ABCB6: variants seen among roughly 807,000 people sequenced by gnomAD.
ABCB6 encodes the protein ATP binding cassette subfamily B member 6 (LAN blood group).
ABCB6 carries 87 observed loss-of-function variants against 99.4 expected under a neutral mutation model. The observed-to-expected ratio is 0.88, with a 90% CI of 0.74 to 1.05. ABCB6 has a LOEUF of 1.05. Among genes scored for constraint, ABCB6 ranks in the 50% least tolerant of loss-of-function variants. The pLI is 0.00. For missense variants in ABCB6, 1,050 were observed against 1,097.9 expected, an observed-to-expected ratio of 0.96 and a Z score of 0.62; for synonymous variants, 482 against 447.5, an observed-to-expected ratio of 1.08 and a Z score of -0.97.
chr2:219,218,861 C>T lies in ABCB6; in HGVS notation c.-188G>A. On this transcript the variant is annotated 5_prime_UTR_variant, in exon 1 of 19. Transcript: ENST00000265316. The stretch of plus-strand genomic sequence containing the variant: ...CCGCCCACTCCCCTAGCGCACGCGC[C>T]GCCGCCACGCACTCACGCAGGGCAC... 2 of 596,704 alleles carry T rather than the reference C, an allele frequency of 3.4e-6. No homozygotes were observed. The highest frequency in any genetic ancestry group is 5.5e-6 in the Non-Finnish European group (2 of 362,398). The allele number at this position is 596,704 out of a possible 1,614,324, so 37.0% of individuals were successfully genotyped here. A position where few individuals can be genotyped will look rare whatever the true frequency, so the allele number is the denominator to read the frequency against.
chr2:219,214,417 GC>G lies in ABCB6; in HGVS notation c.1357del (p.Ala453GlnfsTer6). On this transcript the variant is annotated frameshift_variant, in exon 7 of 19. Coordinates refer to ENST00000265316, the MANE Select transcript of ABCB6 (RefSeq NM_005689.4). LOFTEE classifies it high-confidence loss of function. Reference protein sequence around the residue: ...NTQENATRARAVDSLLNFETV... With the variant: ...NTQENATRARXVDSLLNFETV... ...CTCGAAGTTTAGCAGAGAGTCCACTGCTCGTGCCCGGGTAGCGTTCTCCTGT... is the reference window on the plus strand; with the variant it reads ...CTCGAAGTTTAGCAGAGAGTCCACTGTCGTGCCCGGGTAGCGTTCTCCTGT... The G allele has an allele frequency of 6.2e-7, 1 of 1,614,144 alleles. No homozygotes were observed. The highest frequency in any genetic ancestry group is 8.5e-7 in the Non-Finnish European group (1 of 1,180,004).
Position 219,218,733 on chromosome 2 carries a change from T to A in ABCB6, c.-60A>T. Reference sequence around the variant, plus strand: ...CTGCGGGACCGGAGGCCGGGACTGGTCACTCGGAGAGGGGCGCGGACATCC... The same window carrying A: ...CTGCGGGACCGGAGGCCGGGACTGGACACTCGGAGAGGGGCGCGGACATCC... On this transcript the variant is annotated 5_prime_UTR_variant, in exon 1 of 19. It removes the in-frame stop codon of an upstream open reading frame in the 5' UTR. Transcript: ENST00000265316. 6.8e-7 allele frequency: 1 copy of A among 1,469,200 alleles called. No homozygotes were observed. Among genetic ancestry groups the A allele is most frequent in the Non-Finnish European group, 9.0e-7 (1 of 1,109,408 alleles). 91.0% of individuals were successfully genotyped at this position (1,469,200 alleles called of 1,614,324 possible).
In ABCB6 at chr2:219,216,653, A is replaced by G. The variant is rs751784110; in HGVS notation, c.867T>C (p.Ile289=). The G allele has an allele frequency of 2.1e-5, 32 of 1,556,300 alleles. No homozygotes were observed. The highest frequency in any genetic ancestry group is 3.3e-4 in the Middle Eastern group (2 of 5,996). Residue 289 remains isoleucine, a splice_region_variant and synonymous_variant, in exon 3 of 19, where the codon ATT becomes ATC. Coordinates refer to ENST00000265316, the MANE Select transcript of ABCB6 (RefSeq NM_005689.4). The surrounding 1 kb of genome is among the most constrained non-coding windows in gnomAD (Gnocchi z 4.2). The part of the protein sequence containing the change: ...NVLVPIFYRN[I]VNLLTEKAPW... Reference sequence around the variant, plus strand: ...TGAGCTGGTGCTCCTCCTGCTCACCAATGTTCCTATAGAATATAGGCACCA... The same window carrying G: ...TGAGCTGGTGCTCCTCCTGCTCACCGATGTTCCTATAGAATATAGGCACCA...
intron 6 of ABCB6, 138 bp downstream of exon 6, chr2:219,214,823 C>T: frequency 1.0e-6 from 1 of 972,494 alleles, no homozygotes; most frequent in Non-Finnish European, 1.5e-6. Context: ...CCGCCCATCA[C>T]ATGACGAGCA....
At chr2:219,217,886 C>T (rs1950664697) in intron 1 of ABCB6, 79 bp from the exon 2 acceptor site, 3 of 1,502,582 alleles carry the variant, frequency 2.0e-6, no homozygotes, top group Admixed American at 4.4e-5. Context: ...GGGCCGGGGA[C>T]TGGTGTCATG....
chr2:219,212,904 C>A (rs1030539749), intron 13 of ABCB6, 104 bp downstream of exon 13: 23 of 1,301,576 alleles, frequency 1.8e-5, no homozygotes, highest in Middle Eastern at 3.6e-4. Flanking sequence ...GGTTGCCTAT[C>A]GTGACTGGGC....
In ABCB6 at chr2:219,211,018, C is replaced by T. The variant is rs1050020632; in HGVS notation, c.2059G>A (p.Gly687Ser). 8 of 1,614,030 alleles carry T rather than the reference C, an allele frequency of 5.0e-6. No homozygotes were observed. The highest frequency in any genetic ancestry group is 1.3e-5 in the African/African-American group (1 of 74,892). Residue 687 changes from glycine (G) to serine (S), a missense_variant, in exon 15 of 19, where the codon GGC (glycine) becomes AGC (serine). By Grantham distance (56) the Gly-to-Ser change is moderately conservative. Transcript: ENST00000265316. ...NDTIADNIRY[G>S]RVTAGNDEVE... is the part of the protein sequence containing the mutation. Reference sequence around the variant, plus strand: ...TCATCATTCCCAGCTGTGACACGGCCGTAACGGATATTGTCGGCGATGGTG... The same window carrying T: ...TCATCATTCCCAGCTGTGACACGGCTGTAACGGATATTGTCGGCGATGGTG...
intron 1 of ABCB6, 104 bp downstream of exon 1, chr2:219,218,014 CTCCCTTT>C: frequency 1.4e-6 from 2 of 1,420,572 alleles, no homozygotes; most frequent in Non-Finnish European, 1.9e-6. Context: ...CCCCTCCCTT[CTCCCTTT>C]GCTTAGAGGC....
chr2:219,217,920 T>TAAAAA, intron 1 of ABCB6, 113 bp from the exon 2 acceptor site: 1 of 1,184,586 alleles, frequency 8.4e-7, no homozygotes, highest in Non-Finnish European at 1.1e-6. Flanking sequence ...CTTACAGGCT[T>TAAAAA]AAAAAAAAAA....
At chr2:219,212,906 T>C in intron 13 of ABCB6, 102 bp downstream of exon 13, 2 of 1,331,272 alleles carry the variant, frequency 1.5e-6, no homozygotes, top group Non-Finnish European at 2.1e-6. Context: ...TTGCCTATCG[T>C]GACTGGGCTC....
intron 13 of ABCB6, among the ~76,000 whole-genome samples, 179 bp from the exon 14 acceptor site, chr2:219,212,670 C>T (rs1436643208): frequency 1.3e-5 from 2 of 152,068 alleles, no homozygotes; most frequent in Non-Finnish European, 2.9e-5. Flanking sequence ...TATAGGCACC[C>T]GCCACCATGC....
Position 219,214,195 on chromosome 2 carries a change from T to C in ABCB6, c.1387-9A>G, listed in dbSNP as rs1412104335. ...GCGTTGTAATACTTCACCTGATGAA[T>C]TCAAACCAAATTTATTTGGCATGGG... On this transcript the variant is annotated splice_polypyrimidine_tract_variant and intron_variant, in intron 7 of 18. Transcript: ENST00000265316. The C allele has an allele frequency of 6.2e-7, 1 of 1,614,032 alleles. No individual in the cohort carries two copies. The highest frequency in any genetic ancestry group is 8.5e-7 in the Non-Finnish European group (1 of 1,179,988).
rs1355357026 is a variant in ABCB6 at position 219,214,947 on chromosome 2, C to T, written c.1276+14G>A. 1 of 1,613,922 alleles carries T rather than the reference C, an allele frequency of 6.2e-7. No homozygotes were observed. The highest frequency in any genetic ancestry group is 8.5e-7 in the Non-Finnish European group (1 of 1,179,952). On this transcript the variant is annotated intron_variant, in intron 6 of 18. Coordinates refer to ENST00000265316, the MANE Select transcript of ABCB6 (RefSeq NM_005689.4). Reference sequence around the variant, plus strand: ...GGATAGTTCAGGGAGACGGTGTCTCCCAGCAGCACTCACTGAGGTAAAGAC... The same window carrying T: ...GGATAGTTCAGGGAGACGGTGTCTCTCAGCAGCACTCACTGAGGTAAAGAC...
rs778861160 is a variant in ABCB6 at position 219,218,329 on chromosome 2, ACT to A, written c.343_344del (p.Leu116GlyfsTer45). 3.1e-6 allele frequency: 5 copies of A among 1,612,964 alleles called. No homozygotes were observed. Among genetic ancestry groups the A allele is most frequent in the Admixed American group, 1.7e-5 (1 of 59,994 alleles). ...GCCACAGGCCACAGGCGCCGGCCAGACTCTCCAGCACGGAGGCCAGAAGTAGA... is the reference window on the plus strand; with the variant it reads ...GCCACAGGCCACAGGCGCCGGCCAGACTCCAGCACGGAGGCCAGAAGTAGA... The part of the protein sequence containing the change: ...SYLLLASVLE[S>X]LAGACGLWLL... On this transcript the variant is annotated frameshift_variant, in exon 1 of 19. Coordinates refer to ENST00000265316, the MANE Select transcript of ABCB6 (RefSeq NM_005689.4). LOFTEE classifies it high-confidence loss of function.
intron 15 of ABCB6, 22 bp downstream of exon 15, chr2:219,210,912 T>C (rs1950570103): frequency 6.2e-7 from 1 of 1,613,914 alleles, no homozygotes; most frequent in African/African-American, 1.3e-5. Context: ...GGGAGGGGAC[T>C]CTCTGCAAAG....
rs1303783049 is a variant in ABCB6, at chr2:219,218,423, G to T, written c.251C>A (p.Ala84Glu). Residue 84 changes from alanine to glutamate, a missense_variant, in exon 1 of 19, where the codon GCG becomes GAG. Ala to Glu is a moderately radical substitution (Grantham distance 107, BLOSUM62 -1). Coordinates refer to ENST00000265316, the MANE Select transcript of ABCB6 (RefSeq NM_005689.4). ...AGCCAGGCCGGCCAGGGGCAGCGCC[G>T]CCTGAAGTGTGGCCAGAAGCAGCTG... is the stretch of plus-strand genomic sequence containing the variant. ...VLQLLLATLQ[A>E]ALPLAGLAGR... The T allele has an allele frequency of 3.1e-6, 5 of 1,610,712 alleles. No homozygotes were observed. Among genetic ancestry groups the T allele is most frequent in the Non-Finnish European group, 4.2e-6 (5 of 1,178,860 alleles).
At chr2:219,214,779 C>CA (rs1950619766) in intron 6 of ABCB6, 182 bp downstream of exon 6, 2 of 703,566 alleles carry the variant, frequency 2.8e-6, no homozygotes, top group Admixed American at 5.8e-5. Flanking sequence ...CCCAGCCCCT[C>CA]AGCTAGGTTA....
chr2:219,211,621 C>CT (rs34408255), intron 14 of ABCB6, among the ~76,000 whole-genome samples: 6 of 87,842 alleles, frequency 6.8e-5, no homozygotes, highest in African/African-American at 2.0e-4. Context: ...ATCGTTGTAC[C>CT]TTTTTTTTTT....
chr2:219,216,180 C>G lies in ABCB6; in HGVS notation c.971G>C (p.Gly324Ala), dbSNP rs762348452. 6.3e-7 allele frequency: 1 copy of G among 1,586,928 alleles called. No individual in the cohort carries two copies. Among genetic ancestry groups the G allele is most frequent in the Non-Finnish European group, 8.6e-7 (1 of 1,163,444 alleles). The change falls in exon 5 of 19, where the codon GGC becomes GCC. Residue 324 changes from glycine (G) to alanine (A), a missense_variant and splice_region_variant. Physicochemically the swap from Gly to Ala is moderately conservative, Grantham distance 60. Coordinates refer to ENST00000265316, the MANE Select transcript of ABCB6 (RefSeq NM_005689.4). The surrounding 1 kb of genome is among the most constrained non-coding windows in gnomAD (Gnocchi z 4.2). The stretch of plus-strand genomic sequence containing the variant: ...GAAGGTGCGCAGGTTGCTCACGAAG[C>G]CTGCAGGGAGCCGGGGGACGCCTCA... ...FLQGGGTGST[G>A]FVSNLRTFLW...
Sources: allele counts gnomAD v4.1 joint callset (sites outside exome capture counted in the v4.1 genomes callset), GRCh38; gene constraint gnomAD v4.1.1; non-coding constraint Gnocchi (gnomAD v3.1); transcripts MANE v1.5; gene names NCBI Gene and HGNC (gene_info 2026-07-23, HGNC 2026-07-21).